The following SREBF2 variants were observed in gnomAD, a reference collection of about 807,000 sequenced individuals.
SREBF2 encodes the protein sterol regulatory element binding transcription factor 2, also known as sterol regulatory element-binding protein 2.
In SREBF2, 55 loss-of-function variants were observed where a neutral mutation model predicts 113.1. The observed-to-expected ratio is 0.49, with a 90% confidence interval of 0.39 to 0.61. The LOEUF (loss-of-function observed/expected upper bound fraction) is 0.61. Ranked by LOEUF, SREBF2 falls within the 20% of genes least tolerant of loss-of-function variation. SREBF2 has a pLI of 0.00. For synonymous variants in SREBF2, 593 were observed against 605.7 expected, an observed-to-expected ratio of 0.98 and a Z score of 0.31; for missense variants, 1,349 against 1,487.4, an observed-to-expected ratio of 0.91 and a Z score of 1.53.
In SREBF2 at chr22:41,833,590, C is replaced by T. The variant is rs558045019; in HGVS notation, c.88+232C>T. 50 of 417,328 alleles carry T rather than the reference C, an allele frequency of 1.2e-4. No homozygotes were observed. The highest frequency in any genetic ancestry group is 1.0e-3 in the African/African-American group (50 of 47,736). 25.9% of individuals were successfully genotyped at this position (417,328 alleles called of 1,614,324 possible). On this transcript the variant is annotated intron_variant, in intron 1 of 18. Coordinates refer to ENST00000361204, the MANE Select transcript of SREBF2 (RefSeq NM_004599.4). The surrounding 1 kb of genome is among the most constrained non-coding windows in gnomAD (Gnocchi z 4.1). ...ATCTGGGGCGCCGCGGGGCCGAAAGCGGCGCGAGGGTCGCGGGTTCCAGAG... is the reference window on the plus strand; with the variant it reads ...ATCTGGGGCGCCGCGGGGCCGAAAGTGGCGCGAGGGTCGCGGGTTCCAGAG...
chr22:41,844,307 A>G (rs1225680785), intron 1 of SREBF2, among the ~76,000 whole-genome samples: 6 of 152,174 alleles, frequency 3.9e-5, no homozygotes, highest in Non-Finnish European at 8.8e-5. Context: ...GAACTGAATG[A>G]ACTTCAGTTT....
intron 1 of SREBF2, among the ~76,000 whole-genome samples, chr22:41,865,405 T>C (rs2077065819): frequency 6.6e-6 from 1 of 152,132 alleles, no homozygotes; most frequent in South Asian, 2.1e-4. Context: ...TAGAGAATTG[T>C]AGGTCTGAAA....
At chr22:41,905,321 A>G (rs1262015558) in intron 18 of SREBF2, 119 bp from the exon 19 acceptor site, 2 of 1,004,024 alleles carry the variant, frequency 2.0e-6, no homozygotes, top group Non-Finnish European at 3.0e-6. Flanking sequence ...TGGGTGGGGC[A>G]GCAGACCCCA....
intron 1 of SREBF2, among the ~76,000 whole-genome samples, chr22:41,864,259 TATAC>T (rs1195730444): frequency 0.04 from 2,581 of 65,156 alleles, 127 homozygotes; most frequent in Admixed American, 0.091. Flanking sequence ...TATATATATA[TATAC>T]ACACACACAC....
chr22:41,840,762 A>G (rs1479631021), intron 1 of SREBF2, among the ~76,000 whole-genome samples: 3 of 152,068 alleles, frequency 2.0e-5, no homozygotes, highest in African/African-American at 7.2e-5. Context: ...TATGTTCTGA[A>G]TTCCATGACA....
In SREBF2 at chr22:41,872,224, C is replaced by T. The variant is rs1416837553; in HGVS notation, c.867+1189C>T. Among the ~76,000 whole-genome samples the T allele has an allele frequency of 3.6e-4, 52 of 146,420 alleles. 1 individual carries two copies. Among genetic ancestry groups the T allele is most frequent in the African/African-American group, 5.9e-4 (23 of 39,302 alleles). ...AAGATTGCGCCACTGCACTCCAGCC[C>T]GGGCGACAGAGCAAATCTCCGTCTC... On this transcript the variant is annotated intron_variant, in intron 4 of 18. Transcript: ENST00000361204.
intron 1 of SREBF2, among the ~76,000 whole-genome samples, chr22:41,864,223 C>CAT (rs756489276): frequency 0.043 from 1,976 of 46,122 alleles, 61 homozygotes; most frequent in Middle Eastern, 0.079. Flanking sequence ...CTTCTGCAAG[C>CAT]ATATATATAT....
At chr22:41,887,499 T>C (rs1382989171) in intron 11 of SREBF2, among the ~76,000 whole-genome samples, 1 of 152,356 alleles carries the variant, frequency 6.6e-6, no homozygotes, top group East Asian at 1.9e-4. Flanking sequence ...CAGTATACAC[T>C]GTTTTGTGTC....
At chr22:41,865,949 G>T (rs1459175991) in intron 1 of SREBF2, among the ~76,000 whole-genome samples, 1 of 152,168 alleles carries the variant, frequency 6.6e-6, no homozygotes, top group Non-Finnish European at 1.5e-5. Context: ...TGACTTAGGG[G>T]CCATCAACTT....
At chr22:41,874,535 C>A (rs2077175147) in intron 5 of SREBF2, among the ~76,000 whole-genome samples, 1 of 152,090 alleles carries the variant, frequency 6.6e-6, no homozygotes, top group Admixed American at 6.5e-5. Flanking sequence ...ATGTTTAAAC[C>A]CTATTTTGAA....
rs1359736022 is a variant in SREBF2, at chr22:41,893,111, C to T, written c.2209-6C>T. ...GGTGTTACCCCTGGTCCTTGTCCTT[C>T]CACAGAGCTACTTCCTCAGCCGAGC... On this transcript the variant is annotated splice_region_variant and splice_polypyrimidine_tract_variant and intron_variant, in intron 11 of 18. Transcript: ENST00000361204. 2.5e-6 allele frequency: 4 copies of T among 1,612,974 alleles called. No individual in the cohort carries two copies. In the South Asian group the frequency reaches 3.3e-5, roughly 13 times the overall value.
In SREBF2 at chr22:41,900,163, A is replaced by T. The variant is rs544857712; in HGVS notation, c.2739-167A>T. On this transcript the variant is annotated intron_variant, in intron 15 of 18. Coordinates refer to ENST00000361204, the MANE Select transcript of SREBF2 (RefSeq NM_004599.4). Reference sequence around the variant, plus strand: ...GCGCTAACCCTAGCTCAGGGCTGGCATTTCAGATCTGGAGCTGGTGGCATG... The same window carrying T: ...GCGCTAACCCTAGCTCAGGGCTGGCTTTTCAGATCTGGAGCTGGTGGCATG... 68 of 1,507,988 alleles carry T rather than the reference A, an allele frequency of 4.5e-5. No homozygotes were observed. In the African/African-American group the frequency reaches 8.5e-4, roughly 19 times the overall value. 93.4% of individuals were successfully genotyped at this position (1,507,988 alleles called of 1,614,324 possible). A position where few individuals can be genotyped will look rare whatever the true frequency, so the allele number is the denominator to read the frequency against.
chr22:41,898,573 A>C, intron 14 of SREBF2, 76 bp from the exon 15 acceptor site: 1 of 1,597,800 alleles, frequency 6.3e-7, no homozygotes, highest in South Asian at 1.1e-5. Context: ...CCTAGGAAGG[A>C]AGTGTAGCAG....
intron 11 of SREBF2, among the ~76,000 whole-genome samples, chr22:41,888,406 T>C (rs550652434): frequency 3.9e-4 from 60 of 152,364 alleles, no homozygotes; most frequent in African/African-American, 1.0e-3. Flanking sequence ...CTTCCCCTGC[T>C]GCACCAAGTG....
intron 10 of SREBF2, among the ~76,000 whole-genome samples, chr22:41,883,017 G>A (rs1048240422): frequency 2.0e-5 from 3 of 152,226 alleles, no homozygotes; most frequent in Admixed American, 1.3e-4. Context: ...CAAGGTGGGA[G>A]GATCACTTGA....
Position 41,843,214 on chromosome 22 carries a change from G to A in SREBF2, c.88+9856G>A, listed in dbSNP as rs192170585. Among the ~76,000 whole-genome samples the A allele has an allele frequency of 5.3e-5, 8 of 152,324 alleles. No individual in the cohort carries two copies. In the East Asian group the frequency reaches 5.8e-4, roughly 11 times the overall value. On this transcript the variant is annotated intron_variant, in intron 1 of 18. Transcript: ENST00000361204. ...ATGCATTGATGTTCTCTAAGTGAACGTGACTCATCCTGTTCTTTATTAGTT... is the reference window on the plus strand; with the variant it reads ...ATGCATTGATGTTCTCTAAGTGAACATGACTCATCCTGTTCTTTATTAGTT...
At chr22:41,893,881 G>C (rs1404971868) in intron 12 of SREBF2, among the ~76,000 whole-genome samples, 1 of 152,214 alleles carries the variant, frequency 6.6e-6, no homozygotes. Flanking sequence ...TGAGTGCTCA[G>C]TGGCTGTCTG....
chr22:41,894,927 G>T lies in SREBF2; in HGVS notation c.2485G>T (p.Glu829Ter), dbSNP rs1455972979. Residue 829 changes from glutamate to a stop codon, truncating the protein, a stop_gained, in exon 13 of 19, where the codon GAA becomes TAA. Transcript: ENST00000361204. LOFTEE classifies it high-confidence loss of function. ...CAAGAAGAAGGCTGGAGACCAGGAA[G>T]AAGAGAGCTGGTAAAGTCCCCAGAC... ...QAKKKAGDQE[E>*]ESCEFSSALE... 2 of 1,613,814 alleles carry T rather than the reference G, an allele frequency of 1.2e-6. No individual in the cohort carries two copies. Among genetic ancestry groups the T allele is most frequent in the Non-Finnish European group, 1.7e-6 (2 of 1,179,872 alleles).
chr22:41,880,847 A>G lies in SREBF2; in HGVS notation c.1893A>G (p.Leu631=). The change falls in exon 10 of 19, where the codon CTA becomes CTG. Residue 631 remains leucine, a synonymous_variant. Coordinates refer to ENST00000361204, the MANE Select transcript of SREBF2 (RefSeq NM_004599.4). ...WNVIRYSLQK[L]RLVRWLLKKV... Reference sequence around the variant, plus strand: ...TGATCCGCTACAGCCTGCAGAAGCTACGCCTGGTGCGCTGGCTGCTCAAGA... The same window carrying G: ...TGATCCGCTACAGCCTGCAGAAGCTGCGCCTGGTGCGCTGGCTGCTCAAGA... 6.2e-7 allele frequency: 1 copy of G among 1,614,112 alleles called. No individual in the cohort carries two copies. The highest frequency in any genetic ancestry group is 8.5e-7 in the Non-Finnish European group (1 of 1,180,034).
Sources: allele counts gnomAD v4.1 joint callset (sites outside exome capture counted in the v4.1 genomes callset), GRCh38; gene constraint gnomAD v4.1.1; non-coding constraint Gnocchi (gnomAD v3.1); transcripts MANE v1.5; gene names NCBI Gene and HGNC (gene_info 2026-07-23, HGNC 2026-07-21).